The following GFI1B variants were observed in gnomAD, a reference collection of about 807,000 sequenced individuals.
The protein encoded by GFI1B is zinc finger protein Gfi-1b.
In GFI1B, 20 loss-of-function variants were observed where a neutral mutation model predicts 35.3. The ratio of observed to expected loss-of-function variants is 0.57; its 90% CI spans 0.40 to 0.82. The LOEUF is 0.82. GFI1B is among the 40% of genes least tolerant of loss of function. The probability of loss-of-function intolerance (pLI) is 0.00; values close to 1 mark genes in which losing one functional copy is unlikely to be tolerated. For missense variants in GFI1B, 430 were observed against 446.3 expected (o/e 0.96, Z 0.33); for synonymous variants, 178 against 177.6 (o/e 1.00, Z -0.02).
chr9:132,968,155 C>T (rs1199134450), intron 1 of GFI1B, among the ~76,000 whole-genome samples: 1 of 151,504 alleles, frequency 6.6e-6, no homozygotes, highest in Non-Finnish European at 1.5e-5. Context: ...CTTGCTCTGT[C>T]ACCTGGGCTA....
intron 1 of GFI1B, among the ~76,000 whole-genome samples, chr9:132,950,905 A>T (rs945937216): frequency 6.6e-6 from 1 of 151,932 alleles, no homozygotes; most frequent in Non-Finnish European, 1.5e-5. Context: ...TTGTGCAAAC[A>T]TGGCTCACTG....
At chr9:132,986,060 G>A (rs1849045107) in intron 1 of GFI1B, among the ~76,000 whole-genome samples, 2 of 152,194 alleles carry the variant, frequency 1.3e-5, no homozygotes, top group African/African-American at 4.8e-5. Flanking sequence ...GAGCAGTGAG[G>A]GAAGTTAGGA....
At chr9:132,960,677 A>T (rs1010233348) in intron 1 of GFI1B, among the ~76,000 whole-genome samples, 2 of 151,348 alleles carry the variant, frequency 1.3e-5, no homozygotes, top group Non-Finnish European at 2.9e-5. Context: ...TTTTATTTTT[A>T]TTTTTTTAGA....
rs34125755 is a variant in GFI1B, at chr9:132,979,246, CTTTTTTTTTT to C, written c.-21+424_-21+433del. ...GGACTTGACTAAAGTTCCTGGGACA[CTTTTTTTTTT>C]TTTTTTTTTTTTTTTTTTGAGACAG... On this transcript the variant is annotated intron_variant, in intron 1 of 6. Transcript: ENST00000372122. Among the ~76,000 whole-genome samples, 45 of 95,640 alleles carry C rather than the reference CTTTTTTTTTT, an allele frequency of 4.7e-4. No individual in the cohort carries two copies. The East Asian group carries it at 7.5e-3, about 16-fold the overall frequency. 62.7% of individuals were successfully genotyped at this position (95,640 alleles called of 152,430 possible). A position where few individuals can be genotyped will look rare whatever the true frequency, so the allele number is the denominator to read the frequency against.
chr9:132,975,904 G>A (rs1012749826), upstream of GFI1B, among the ~76,000 whole-genome samples: 3 of 152,208 alleles, frequency 2.0e-5, no homozygotes, highest in Non-Finnish European at 2.9e-5. Context: ...GTCCAGGGCT[G>A]TAAGGGCCTG....
intron 1 of GFI1B, among the ~76,000 whole-genome samples, chr9:132,968,990 A>G (rs1588417211): frequency 6.6e-6 from 1 of 151,244 alleles, no homozygotes; most frequent in African/African-American, 2.4e-5. Context: ...CTGTCCCCCA[A>G]CCCCTGGCAA....
intron 1 of GFI1B, chr9:132,952,228 T>C (rs912627704): frequency 1.3e-5 from 2 of 152,196 alleles, no homozygotes; most frequent in Non-Finnish European, 2.9e-5. Context: ...CTCTCTAATT[T>C]TACTAGTTTG....
intron 1 of GFI1B, among the ~76,000 whole-genome samples, chr9:132,961,880 C>T (rs981873584): frequency 1.1e-4 from 17 of 151,936 alleles, no homozygotes; most frequent in African/African-American, 3.1e-4. Context: ...TGAGAGCCAC[C>T]GCACCCGGCC....
intron 1 of GFI1B, among the ~76,000 whole-genome samples, chr9:132,957,294 TCTCTGGTCCCCACAG>T (rs1261096750): frequency 2.0e-5 from 3 of 152,230 alleles, no homozygotes; most frequent in Non-Finnish European, 2.9e-5. Context: ...AGCAGATCCT[TCTCTGGTCCCCACAG>T]TACTCTTCTG....
chr9:132,947,424 A>AAC lies in GFI1B; in HGVS notation c.-701+1756_-701+1757insCA, dbSNP rs1453580402. 2.7e-5 allele frequency among the ~76,000 whole-genome samples: 4 copies of AAC among 148,298 alleles called. 1 individual carries two copies. Among genetic ancestry groups the AAC allele is most frequent in the African/African-American group, 1.0e-4 (4 of 40,078 alleles). ...AAATTTAATCGAGCAAAAAAAAAAA[A>AAC]AAAAAAGAAAGAAAAAGAGAATTCA... On this transcript the variant is annotated intron_variant, in intron 1 of 10. Transcript: ENST00000339463.
chr9:132,983,498 T>G (rs1164120614), intron 1 of GFI1B, among the ~76,000 whole-genome samples: 1 of 152,082 alleles, frequency 6.6e-6, no homozygotes, highest in Non-Finnish European at 1.5e-5. Flanking sequence ...CCCGGCCTGA[T>G]TTTTCTCCCC....
upstream of GFI1B, among the ~76,000 whole-genome samples, chr9:132,976,051 T>A (rs938412908): frequency 2.0e-5 from 3 of 152,178 alleles, no homozygotes; most frequent in Admixed American, 6.5e-5. Flanking sequence ...GGGAAGGCTG[T>A]CCCTGTGTCA....
At chr9:132,969,038 G>GT (rs990028106) in intron 1 of GFI1B, among the ~76,000 whole-genome samples, 10 of 151,492 alleles carry the variant, frequency 6.6e-5, no homozygotes, top group African/African-American at 2.4e-4. Flanking sequence ...TTTGTTTTAT[G>GT]TTTTTTTTGA....
At chr9:132,947,886 G>A (rs758917541) in intron 1 of GFI1B, among the ~76,000 whole-genome samples, 1 of 151,184 alleles carries the variant, frequency 6.6e-6, no homozygotes, top group African/African-American at 2.4e-5. Flanking sequence ...AGTGAGATTG[G>A]TTGCAGCTCG....
At chr9:132,967,762 GTGTA>G (rs1371700728) in intron 1 of GFI1B, among the ~76,000 whole-genome samples, 5 of 152,094 alleles carry the variant, frequency 3.3e-5, no homozygotes, top group African/African-American at 7.2e-5. Context: ...GTGTGTGTGT[GTGTA>G]TGTGTGTGTA....
At chr9:132,954,172 C>T (rs1848246057) in intron 1 of GFI1B, among the ~76,000 whole-genome samples, 1 of 152,116 alleles carries the variant, frequency 6.6e-6, no homozygotes, top group Non-Finnish European at 1.5e-5. Context: ...CCACTGCAAC[C>T]TCCACCTCCC....
At chr9:132,985,723 C>G (rs2773823) in intron 1 of GFI1B, among the ~76,000 whole-genome samples, 14 of 152,210 alleles carry the variant, frequency 9.2e-5, no homozygotes, top group African/African-American at 3.1e-4. Context: ...GCACTGCAAG[C>G]CTGGACATCC....
chr9:132,968,001 C>T (rs181773415), intron 1 of GFI1B, among the ~76,000 whole-genome samples: 3 of 152,198 alleles, frequency 2.0e-5, no homozygotes, highest in East Asian at 3.9e-4. Flanking sequence ...AGGTTGGTCT[C>T]GAACTCCTGA....
upstream of GFI1B, among the ~76,000 whole-genome samples, chr9:132,974,093 A>C (rs1160850739): frequency 1.3e-5 from 2 of 152,210 alleles, no homozygotes; most frequent in Admixed American, 1.3e-4. Flanking sequence ...GGATGAGGCC[A>C]ACACAGAGGG....
Sources: allele counts gnomAD v4.1 joint callset (sites outside exome capture counted in the v4.1 genomes callset), GRCh38; gene constraint gnomAD v4.1.1; transcripts MANE v1.5; gene names NCBI Gene and HGNC (gene_info 2026-07-23, HGNC 2026-07-21).